The following BANK1 variants were observed in gnomAD, a reference collection of about 807,000 sequenced individuals.
BANK1 encodes the protein B cell scaffold protein with ankyrin repeats 1.
BANK1 carries 95 observed loss-of-function variants against 94.5 expected under a neutral mutation model. The observed-to-expected ratio is 1.00, with a 90% CI of 0.85 to 1.19. BANK1 has a LOEUF of 1.19. Ranked by LOEUF, BANK1 falls within the 50% of genes most tolerant of loss-of-function variation. BANK1 has a pLI of 0.00. For missense variants in BANK1, 987 were observed against 932.2 expected (o/e 1.06, Z -0.77); for synonymous variants, 334 against 308.4 (o/e 1.08, Z -0.87).
intron 7 of BANK1, among the ~76,000 whole-genome samples, chr4:102,014,634 C>T (rs999471850): frequency 6.6e-6 from 1 of 152,118 alleles, no homozygotes; most frequent in Non-Finnish European, 1.5e-5. Context: ...GCTAAATATT[C>T]AGCATCCTGG....
rs758390898 is a variant in BANK1 at position 102,025,233 on chromosome 4, A to C, written c.1318A>C (p.Arg440=). Residue 440 remains arginine (R), a synonymous_variant, in exon 9 of 17, where the codon AGG becomes CGG. Transcript: ENST00000322953. ...TQNPAFHHES[R]KTYGQSADGA... The stretch of plus-strand genomic sequence containing the variant: ...GAACCCAGCATTTCATCATGAAAGC[A>C]GGAAGACATACGGGCAGAGTGCAGA... 14 of 1,614,230 alleles carry C rather than the reference A, an allele frequency of 8.7e-6. No homozygotes were observed. Among genetic ancestry groups the C allele is most frequent in the Non-Finnish European group, 1.1e-5 (13 of 1,180,024 alleles).
chr4:101,861,983 C>A (rs1418919311), intron 3 of BANK1, among the ~76,000 whole-genome samples: 1 of 152,082 alleles, frequency 6.6e-6, no homozygotes, highest in Non-Finnish European at 1.5e-5. Context: ...CAGACACTTA[C>A]CACAAATAAA....
intron 7 of BANK1, among the ~76,000 whole-genome samples, chr4:101,949,517 C>T (rs543041980): frequency 3.9e-5 from 6 of 152,180 alleles, no homozygotes; most frequent in South Asian, 2.1e-4. Flanking sequence ...CATTGCTGGG[C>T]GCACTTAATG....
chr4:101,991,282 A>G (rs922708443), intron 7 of BANK1, among the ~76,000 whole-genome samples: 2 of 152,194 alleles, frequency 1.3e-5, no homozygotes. Flanking sequence ...TTCAAAGAAA[A>G]CAAACCTAGA....
chr4:102,018,979 A>G (rs1193913479), intron 7 of BANK1, among the ~76,000 whole-genome samples: 2 of 151,806 alleles, frequency 1.3e-5, no homozygotes, highest in Non-Finnish European at 2.9e-5. Flanking sequence ...CACCATGCCC[A>G]ACTAATTTTT....
chr4:101,892,901 G>T (rs1425103000), intron 5 of BANK1, among the ~76,000 whole-genome samples: 1 of 151,796 alleles, frequency 6.6e-6, no homozygotes, highest in African/African-American at 2.4e-5. Flanking sequence ...AGATATTTTT[G>T]GTTAGGTTGT....
chr4:101,831,361 C>T (rs748584021), intron 2 of BANK1, among the ~76,000 whole-genome samples: 18 of 152,178 alleles, frequency 1.2e-4, no homozygotes, highest in Non-Finnish European at 4.4e-5. Context: ...CCAAATGGTT[C>T]GCTGGAAGCT....
chr4:102,015,632 AAC>A (rs1726671591), intron 7 of BANK1, among the ~76,000 whole-genome samples: 1 of 152,192 alleles, frequency 6.6e-6, no homozygotes, highest in African/African-American at 2.4e-5. Flanking sequence ...GACGGTTGTA[AAC>A]AATAGTACTG....
intron 7 of BANK1, among the ~76,000 whole-genome samples, chr4:101,963,195 A>G (rs1456106877): frequency 6.6e-6 from 1 of 152,032 alleles, no homozygotes; most frequent in Non-Finnish European, 1.5e-5. Context: ...CCCTCCTATT[A>G]GTCTTTCTTT....
intron 7 of BANK1, among the ~76,000 whole-genome samples, chr4:101,929,942 A>T (rs1320802896): frequency 6.6e-6 from 1 of 151,474 alleles, no homozygotes; most frequent in Non-Finnish European, 1.5e-5. Context: ...ATATAAATAA[A>T]ACATTCATTT....
At chr4:101,958,792 T>G (rs1346899552) in intron 7 of BANK1, among the ~76,000 whole-genome samples, 1 of 152,196 alleles carries the variant, frequency 6.6e-6, no homozygotes, top group Non-Finnish European at 1.5e-5. Context: ...ATGCAGCAAG[T>G]GCTGCTTTGC....
chr4:102,036,633 T>C (rs1560701129), intron 10 of BANK1: 1 of 152,332 alleles, frequency 6.6e-6, no homozygotes, highest in East Asian at 1.9e-4. Flanking sequence ...CTCATTCTTT[T>C]CCATGAGAGA....
At chr4:101,803,570 G>C (rs549208989) in intron 1 of BANK1, among the ~76,000 whole-genome samples, 1 of 152,236 alleles carries the variant, frequency 6.6e-6, no homozygotes, top group East Asian at 1.9e-4. Context: ...TGTAAATACA[G>C]TTGACTCTTG....
In BANK1 at chr4:102,053,895, A is replaced by T. The variant is rs144947395; in HGVS notation, c.1970-6316A>T. Among the ~76,000 whole-genome samples the T allele has an allele frequency of 2.7e-3, 415 of 151,952 alleles. 3 individuals are homozygous for T. The highest frequency in any genetic ancestry group is 9.5e-3 in the African/African-American group (396 of 41,550). ...CATTACTTTATTAATAAAAAAAGAT[A>T]AAAAATCTGAAATTTTAAAAAGTAA... On this transcript the variant is annotated intron_variant, in intron 11 of 16. Transcript: ENST00000322953.
intron 7 of BANK1, among the ~76,000 whole-genome samples, chr4:101,956,338 T>C (rs1724338757): frequency 2.0e-5 from 3 of 152,196 alleles, no homozygotes; most frequent in Admixed American, 6.5e-5. Flanking sequence ...TTGTTTCTTA[T>C]CATGTCTTTG....
intron 2 of BANK1, among the ~76,000 whole-genome samples, chr4:101,847,618 C>G (rs767864442): frequency 6.6e-6 from 1 of 151,988 alleles, no homozygotes; most frequent in Non-Finnish European, 1.5e-5. Flanking sequence ...TGAGAACATA[C>G]GATGTTTGGT....
intron 7 of BANK1, among the ~76,000 whole-genome samples, chr4:102,018,572 T>G (rs183693734): frequency 1.3e-5 from 2 of 152,382 alleles, no homozygotes; most frequent in South Asian, 2.1e-4. Context: ...CTTTTTAATT[T>G]ATCTTTGATA....
chr4:101,891,037 G>A (rs1362355318), intron 5 of BANK1, among the ~76,000 whole-genome samples: 1 of 151,958 alleles, frequency 6.6e-6, no homozygotes, highest in Non-Finnish European at 1.5e-5. Flanking sequence ...TCAAGTATGA[G>A]TTAGAAAACT....
chr4:102,060,831 A>T (rs1174261758), intron 12 of BANK1, among the ~76,000 whole-genome samples: 1 of 152,208 alleles, frequency 6.6e-6, no homozygotes, highest in African/African-American at 2.4e-5. Context: ...TTATTTTTAT[A>T]TACGTACACA....
Sources: allele counts gnomAD v4.1 joint callset (sites outside exome capture counted in the v4.1 genomes callset), GRCh38; gene constraint gnomAD v4.1.1; transcripts MANE v1.5; gene names NCBI Gene and HGNC (gene_info 2026-07-23, HGNC 2026-07-21).